UBE3D: variants seen among roughly 807,000 people sequenced by gnomAD.
UBE3D encodes ubiquitin protein ligase E3D, also known as E3 ubiquitin-protein ligase E3D.
In UBE3D, 48 loss-of-function variants were observed where a neutral mutation model predicts 49.6. The ratio of observed to expected loss-of-function variants is 0.97; its 90% CI spans 0.77 to 1.23. UBE3D has a LOEUF of 1.23. Ranked by LOEUF, UBE3D falls within the 50% of genes most tolerant of loss-of-function variation. The probability of loss-of-function intolerance (pLI) is 0.00; values close to 1 mark genes in which losing one functional copy is unlikely to be tolerated. For missense variants in UBE3D, 452 were observed against 468.4 expected (o/e 0.96, Z 0.32); for synonymous variants, 189 against 174.2 (o/e 1.08, Z -0.67).
rs560894481 is a variant in UBE3D, at chr6:82,982,587, G to A, written c.1011-25137C>T. Among the ~76,000 whole-genome samples, 17 of 152,074 alleles carry A rather than the reference G, an allele frequency of 1.1e-4. No individual in the cohort carries two copies. The East Asian group carries it at 2.5e-3, about 22-fold the overall frequency. The stretch of plus-strand genomic sequence containing the variant: ...ATACTTTAACATATCCCTGTCCCCC[G>A]AATTTCCTAAAAACTGGTAGTTGTA... On this transcript the variant is annotated intron_variant, in intron 8 of 9. Coordinates refer to ENST00000369747, the MANE Select transcript of UBE3D (RefSeq NM_198920.3).
At chr6:82,930,907 G>A (rs1774093734) in intron 9 of UBE3D, among the ~76,000 whole-genome samples, 1 of 152,208 alleles carries the variant, frequency 6.6e-6, no homozygotes, top group Admixed American at 6.5e-5. Context: ...TAATCACCAA[G>A]ACAATGGGGA....
rs1162665185 is a variant in UBE3D at position 83,018,938 on chromosome 6, A to G, written c.1010+35T>C. The G allele has an allele frequency of 5.0e-6, 8 of 1,607,994 alleles. No homozygotes were observed. In the South Asian group the frequency reaches 5.6e-5, roughly 11 times the overall value. On this transcript the variant is annotated intron_variant, in intron 8 of 9. Transcript: ENST00000369747. The stretch of plus-strand genomic sequence containing the variant: ...CCAACATGACAACAAAAGCTAAAAC[A>G]TAATGTGGAAAGAGAAAACAAATGC...
intron 4 of UBE3D, among the ~76,000 whole-genome samples, chr6:83,041,570 T>C (rs59132690): frequency 0.13 from 19,454 of 152,178 alleles, 2,411 homozygotes; most frequent in African/African-American, 0.32. Flanking sequence ...GTTTTAAGCA[T>C]TTCAGGAAAA....
chr6:82,887,804 T>C (rs148551769), downstream of UBE3D, among the ~76,000 whole-genome samples: 156 of 152,258 alleles, frequency 1.0e-3, no homozygotes, highest in African/African-American at 3.4e-3. Context: ...TGATGACTAA[T>C]TTTGTTACTT....
intron 8 of UBE3D, among the ~76,000 whole-genome samples, chr6:83,004,310 T>A (rs9350975): frequency 0.64 from 97,908 of 152,004 alleles, 32,563 homozygotes; most frequent in East Asian, 0.78. Context: ...CATCTCCTAA[T>A]ATTTTATGGT....
intron 8 of UBE3D, among the ~76,000 whole-genome samples, chr6:82,993,615 T>C (rs1289050330): frequency 6.6e-6 from 1 of 151,974 alleles, no homozygotes; most frequent in African/African-American, 2.4e-5. Context: ...CAAGTATTGC[T>C]TTTTGAATTT....
At chr6:82,926,050 T>C (rs972105992) in intron 9 of UBE3D, among the ~76,000 whole-genome samples, 3 of 151,980 alleles carry the variant, frequency 2.0e-5, no homozygotes, top group African/African-American at 7.2e-5. Flanking sequence ...ATAAAAACAA[T>C]GATCTAATGA....
chr6:82,951,081 A>T (rs1465217505), intron 9 of UBE3D, among the ~76,000 whole-genome samples: 1 of 152,178 alleles, frequency 6.6e-6, no homozygotes, highest in Non-Finnish European at 1.5e-5. Flanking sequence ...TTAATTGTAC[A>T]TTTAAAAATA....
In UBE3D at chr6:83,065,639, T is replaced by C; in HGVS notation, c.77+3A>G. On this transcript the variant is annotated splice_donor_region_variant and intron_variant, in intron 1 of 9. Transcript: ENST00000369747. Reference sequence around the variant, plus strand: ...GCACTGCGCCTAGAATCCCAGTTCTTACCCCAGGATCAGAAGCGCGCTCTG... The same window carrying C: ...GCACTGCGCCTAGAATCCCAGTTCTCACCCCAGGATCAGAAGCGCGCTCTG... The C allele has an allele frequency of 1.2e-6, 2 of 1,613,882 alleles. No homozygotes were observed. The highest frequency in any genetic ancestry group is 1.3e-5 in the African/African-American group (1 of 75,034).
downstream of UBE3D, among the ~76,000 whole-genome samples, chr6:82,891,743 A>C (rs763693817): frequency 2.3e-4 from 35 of 152,294 alleles, no homozygotes; most frequent in Non-Finnish European, 2.2e-4. Context: ...AGAATGTTAG[A>C]GGCCAGGCGT....
At chr6:82,964,793 A>G (rs762920098) in intron 8 of UBE3D, among the ~76,000 whole-genome samples, 2 of 152,208 alleles carry the variant, frequency 1.3e-5, no homozygotes, top group African/African-American at 2.4e-5. Context: ...ATATATTGGA[A>G]TGTCTGTTCT....
the UBE3D span, among the ~76,000 whole-genome samples, chr6:82,882,663 C>A: frequency 6.6e-6 from 1 of 152,266 alleles, no homozygotes; most frequent in African/African-American, 2.4e-5. Flanking sequence ...CAAACTATAA[C>A]TTTAACAATG....
intron 9 of UBE3D, among the ~76,000 whole-genome samples, chr6:82,908,047 A>G (rs1159966889): frequency 6.6e-6 from 1 of 152,218 alleles, no homozygotes; most frequent in African/African-American, 2.4e-5. Flanking sequence ...ATAGGGATAA[A>G]TTGCAAAAAC....
intron 9 of UBE3D, among the ~76,000 whole-genome samples, chr6:82,928,962 A>C (rs1444324529): frequency 6.6e-6 from 1 of 152,236 alleles, no homozygotes; most frequent in Non-Finnish European, 1.5e-5. Flanking sequence ...ATTATTCTGC[A>C]TTATAATTTC....
At chr6:82,932,393 T>C (rs1356972023) in intron 9 of UBE3D, among the ~76,000 whole-genome samples, 3 of 152,208 alleles carry the variant, frequency 2.0e-5, no homozygotes, top group Non-Finnish European at 4.4e-5. Flanking sequence ...AAATGGTGTA[T>C]CTGGTCCTAT....
intron 8 of UBE3D, among the ~76,000 whole-genome samples, chr6:82,958,329 C>A (rs1027106483): frequency 2.0e-5 from 3 of 152,070 alleles, no homozygotes; most frequent in Admixed American, 6.6e-5. Flanking sequence ...CCTCTCTGAT[C>A]TGCGACCAAA....
intron 7 of UBE3D, 22 bp from the exon 8 acceptor site, chr6:83,019,158 C>T (rs971612267): frequency 1.3e-6 from 2 of 1,599,024 alleles, no homozygotes; most frequent in Non-Finnish European, 1.7e-6. Flanking sequence ...AAGAGAAAGT[C>T]CAAGTATAAG....
chr6:82,970,410 C>T (rs73478986), intron 8 of UBE3D, among the ~76,000 whole-genome samples: 2 of 151,786 alleles, frequency 1.3e-5, no homozygotes, highest in African/African-American at 4.8e-5. Context: ...GGGCAGAAAA[C>T]CTTATTGACA....
At chr6:82,923,915 A>T (rs1047679334) in intron 9 of UBE3D, among the ~76,000 whole-genome samples, 7 of 152,198 alleles carry the variant, frequency 4.6e-5, no homozygotes. Context: ...CAGCAAAAAA[A>T]CTGTGTGTTG....
Sources: gnomAD v4.1 joint callset for allele counts (sites outside exome capture counted in the v4.1 genomes callset) on GRCh38, gnomAD v4.1.1 for gene constraint, MANE v1.5 for transcripts, NCBI Gene and HGNC (gene_info 2026-07-23, HGNC 2026-07-21) for gene names.